Variants in WASL observed in about 807,000 individuals in gnomAD.
WASL encodes actin nucleation-promoting factor WASL.
A neutral mutation model predicts 55.5 loss-of-function variants in WASL; 20 were observed. The ratio of observed to expected loss-of-function variants is 0.36; its 90% CI spans 0.25 to 0.52. The LOEUF (loss-of-function observed/expected upper bound fraction) is 0.52, where lower values mean the gene tolerates loss of function less well. Among genes scored for constraint, WASL ranks in the 20% least tolerant of loss-of-function variants. The pLI is 0.92. For synonymous variants in WASL, 249 were observed against 217.6 expected (o/e 1.14, Z -1.27); for missense variants, 504 against 622.5 (o/e 0.81, Z 2.03).
At chr7:123,737,919 A>G (rs1259945030) in intron 1 of WASL, among the ~76,000 whole-genome samples, 1 of 152,180 alleles carries the variant, frequency 6.6e-6, no homozygotes, top group Non-Finnish European at 1.5e-5. Flanking sequence ...ATGACAAACC[A>G]CAAAAAATAC....
chr7:123,703,342 A>G (rs1308483351), intron 5 of WASL, among the ~76,000 whole-genome samples: 4 of 152,140 alleles, frequency 2.6e-5, no homozygotes, highest in South Asian at 4.1e-4. Context: ...TATAAAAGAG[A>G]TAATAGGAGC....
intron 1 of WASL, among the ~76,000 whole-genome samples, chr7:123,727,352 G>GACACACACACACACACACAC (rs1554406235): frequency 1.8e-5 from 1 of 55,454 alleles, no homozygotes; most frequent in Admixed American, 1.9e-4. Context: ...AAAAATATGT[G>GACACACACACACACACACAC]TCACACACAC....
At chr7:123,715,433 T>A (rs1297564245) in intron 1 of WASL, among the ~76,000 whole-genome samples, 6 of 152,200 alleles carry the variant, frequency 3.9e-5, no homozygotes, top group African/African-American at 1.2e-4. Context: ...AGAAATTTGT[T>A]GATACTGCTA....
At chr7:123,686,731 C>T (rs13245819) in intron 10 of WASL, among the ~76,000 whole-genome samples, 1 of 152,134 alleles carries the variant, frequency 6.6e-6, no homozygotes, top group Non-Finnish European at 1.5e-5. Flanking sequence ...CAAACAACCT[C>T]TAAACAAAGC....
chr7:123,723,122 C>T (rs1391372528), intron 1 of WASL, among the ~76,000 whole-genome samples: 1 of 152,168 alleles, frequency 6.6e-6, no homozygotes, highest in African/African-American at 2.4e-5. Context: ...AGGGTTAATA[C>T]ACATAAAGTA....
chr7:123,732,053 C>T (rs1016903474), intron 1 of WASL, among the ~76,000 whole-genome samples: 7 of 152,064 alleles, frequency 4.6e-5, no homozygotes, highest in African/African-American at 1.7e-4. Flanking sequence ...GGCGGCCAGG[C>T]GCGGTGGCTC....
intron 1 of WASL, among the ~76,000 whole-genome samples, chr7:123,713,395 C>CTCCT (rs1803790118): frequency 1.3e-5 from 2 of 152,160 alleles, no homozygotes; most frequent in Non-Finnish European, 1.5e-5. Flanking sequence ...TCAAGTGATC[C>CTCCT]TCCTACCTTG....
rs141640994 is a variant in WASL at position 123,692,533 on chromosome 7, G to C, written c.1161C>G (p.Pro387=). ...PPPPPPPGPP[P]PPGLPSDGDH... is the part of the protein sequence containing the mutation. ...CCCCATCAGAAGGCAGGCCAGGCGG[G>C]GGCGGTGGCCCAGGAGGAGGTGGAG... Residue 387 remains proline, a synonymous_variant, in exon 9 of 11, where the codon CCC becomes CCG. Transcript: ENST00000223023. 6.2e-7 allele frequency: 1 copy of C among 1,614,088 alleles called. No homozygotes were observed. The highest frequency in any genetic ancestry group is 8.5e-7 in the Non-Finnish European group (1 of 1,179,998).
intron 5 of WASL, among the ~76,000 whole-genome samples, chr7:123,701,931 T>C (rs1173262290): frequency 7.6e-6 from 1 of 131,720 alleles, no homozygotes; most frequent in Non-Finnish European, 1.6e-5. Flanking sequence ...AATTTTGTCC[T>C]TTAACAACAC....
chr7:123,734,819 C>T (rs1804198853), intron 1 of WASL, among the ~76,000 whole-genome samples: 1 of 151,832 alleles, frequency 6.6e-6, no homozygotes, highest in Non-Finnish European at 1.5e-5. Flanking sequence ...AATAATGTAT[C>T]AATACTGGAT....
At chr7:123,710,919 A>G (rs898638204) in intron 1 of WASL, among the ~76,000 whole-genome samples, 3 of 152,198 alleles carry the variant, frequency 2.0e-5, no homozygotes, top group Non-Finnish European at 2.9e-5. Flanking sequence ...TACACTATCT[A>G]AAGGTACCAA....
chr7:123,747,212 A>G (rs1182648415), intron 1 of WASL, among the ~76,000 whole-genome samples: 1 of 152,168 alleles, frequency 6.6e-6, no homozygotes, highest in African/African-American at 2.4e-5. Context: ...TTCTGGTTAC[A>G]TTATTAAATT....
In WASL at chr7:123,748,976, G is replaced by C; in HGVS notation, c.-242C>G. ...CGCCCGGCCAGGCTAGGGCCGGATGGTCGTTGTCCTCGCACTCCGGCGACT... is the reference window on the plus strand; with the variant it reads ...CGCCCGGCCAGGCTAGGGCCGGATGCTCGTTGTCCTCGCACTCCGGCGACT... On this transcript the variant is annotated 5_prime_UTR_variant, in exon 1 of 11. Transcript: ENST00000223023. 4 of 524,832 alleles carry C rather than the reference G, an allele frequency of 7.6e-6. No individual in the cohort carries two copies. 32.5% of individuals were successfully genotyped at this position (524,832 alleles called of 1,614,324 possible).
intron 10 of WASL, among the ~76,000 whole-genome samples, chr7:123,685,799 A>G (rs1803277248): frequency 2.0e-5 from 3 of 149,260 alleles, no homozygotes; most frequent in South Asian, 2.1e-4. Flanking sequence ...ACCTCTTCAT[A>G]TATCTATATA....
intron 9 of WASL, 69 bp from the exon 10 acceptor site, chr7:123,689,219 C>G: frequency 1.1e-5 from 14 of 1,305,382 alleles, no homozygotes; most frequent in Non-Finnish European, 1.5e-5. Context: ...CCAGAAAGTC[C>G]TACTTTCTTA....
chr7:123,689,782 T>G (rs1803367225), intron 9 of WASL, among the ~76,000 whole-genome samples: 1 of 115,494 alleles, frequency 8.7e-6, no homozygotes, highest in Admixed American at 8.8e-5. Flanking sequence ...AGTGCATTCA[T>G]GAAAAAAAAA....
At chr7:123,721,250 A>T (rs529135414) in intron 1 of WASL, among the ~76,000 whole-genome samples, 1 of 152,234 alleles carries the variant, frequency 6.6e-6, no homozygotes, top group Non-Finnish European at 1.5e-5. Context: ...ATGATCTAAT[A>T]AGCATTTAAG....
intron 4 of WASL, among the ~76,000 whole-genome samples, chr7:123,705,726 T>C (rs368997899): frequency 7.9e-5 from 12 of 152,136 alleles, no homozygotes; most frequent in East Asian, 3.9e-4. Context: ...TGTGTTAGAG[T>C]TGTTTCACAC....
At chr7:123,692,246 A>T (rs1332591537) in intron 9 of WASL, 101 bp downstream of exon 9, 1 of 1,422,112 alleles carries the variant, frequency 7.0e-7, no homozygotes, top group African/African-American at 1.5e-5. Flanking sequence ...AATTAGCAAG[A>T]GGAAAAAAGA....
Sources: allele counts gnomAD v4.1 joint callset (sites outside exome capture counted in the v4.1 genomes callset), GRCh38; gene constraint gnomAD v4.1.1; transcripts MANE v1.5; gene names NCBI Gene and HGNC (gene_info 2026-07-23, HGNC 2026-07-21).